RHBDL3: variants seen among roughly 807,000 people sequenced by gnomAD.
RHBDL3 encodes rhomboid like 3, also known as rhomboid-related protein 3.
A neutral mutation model predicts 48.2 loss-of-function variants in RHBDL3; 28 were observed. That is an observed-to-expected ratio of 0.58 (90% CI 0.43 to 0.80). The LOEUF (loss-of-function observed/expected upper bound fraction) is 0.80. Among genes scored for constraint, RHBDL3 ranks in the 30% least tolerant of loss-of-function variants. The pLI is 0.00. For synonymous variants in RHBDL3, 208 were observed against 232.3 expected (o/e 0.90, Z 0.95); for missense variants, 464 against 542.7 (o/e 0.85, Z 1.44).
In RHBDL3 at chr17:32,289,027, G is replaced by A. The variant is rs914126969; in HGVS notation, c.519+11G>A. On this transcript the variant is annotated intron_variant, in intron 4 of 8. Transcript: ENST00000269051. ...GTCACGCTGCTGGAGGCAAGGACAA[G>A]GGTGGGGAGGGGGTTGCTCTGCCTT... is the stretch of plus-strand genomic sequence containing the variant. 3 of 1,612,044 alleles carry A rather than the reference G, an allele frequency of 1.9e-6. No homozygotes were observed. Among genetic ancestry groups the A allele is most frequent in the South Asian group, 1.1e-5 (1 of 91,052 alleles).
rs760276633 is a variant in RHBDL3, at chr17:32,288,776, T to C, written c.295-16T>C. On this transcript the variant is annotated splice_polypyrimidine_tract_variant and intron_variant, in intron 3 of 8. Transcript: ENST00000269051. ...GCCCCAGCTCTGACCCTCTCCCCAC[T>C]CCATTTCCTGCACAGATGAGCAACA... The C allele has an allele frequency of 1.3e-6, 2 of 1,594,196 alleles. No individual in the cohort carries two copies. Among genetic ancestry groups the C allele is most frequent in the South Asian group, 1.1e-5 (1 of 89,646 alleles).
In RHBDL3 at chr17:32,265,839, G is replaced by T. The variant is rs897114706; in HGVS notation, c.-351G>T. Among the ~76,000 whole-genome samples the T allele has an allele frequency of 5.4e-5, 8 of 147,460 alleles. No homozygotes were observed. The highest frequency in any genetic ancestry group is 7.6e-5 in the Non-Finnish European group (5 of 66,170). On this transcript the variant is annotated 5_prime_UTR_variant, in exon 1 of 9. Transcript: ENST00000269051. ...GGAGGAGGAGACTCGGGCGCAGAGC[G>T]GGGGCCGCGAGAAGCGGGAAGGGAG...
At chr17:32,308,755 T>C (rs1187331828) in intron 7 of RHBDL3, among the ~76,000 whole-genome samples, 1 of 152,188 alleles carries the variant, frequency 6.6e-6, no homozygotes, top group African/African-American at 2.4e-5. Context: ...CAGAGATGCG[T>C]TGGGTCGACC....
intron 7 of RHBDL3, among the ~76,000 whole-genome samples, chr17:32,314,077 T>C (rs1309325084): frequency 1.3e-5 from 2 of 151,290 alleles, no homozygotes; most frequent in Admixed American, 6.6e-5. Context: ...TGTATTCCAT[T>C]GTATGTATAT....
In RHBDL3 at chr17:32,316,274, G is replaced by C. The variant is rs958267251; in HGVS notation, c.925G>C (p.Ala309Pro). 7.4e-6 allele frequency: 12 copies of C among 1,613,680 alleles called. No homozygotes were observed. The highest frequency in any genetic ancestry group is 9.3e-6 in the Non-Finnish European group (11 of 1,179,716). The change falls in exon 8 of 9, where the codon GCT becomes CCT. Residue 309 changes from alanine to proline, a missense_variant. Ala to Pro is a conservative substitution (Grantham distance 27, BLOSUM62 -1). Coordinates refer to ENST00000269051, the MANE Select transcript of RHBDL3 (RefSeq NM_138328.3). ...GTGCCAGTTCAAGCTGCTGCGGATG[G>C]CTGTGGCCCTTATCTGTAGTAAGTA... ...MKCQFKLLRMAVALICMSMEF... is the reference protein window; with the variant it reads ...MKCQFKLLRMPVALICMSMEF...
rs1408330378 is a variant in RHBDL3 at position 32,323,242 on chromosome 17, T to C, written c.*2013T>C. 2 of 152,320 alleles carry C rather than the reference T, an allele frequency of 1.3e-5. No individual in the cohort carries two copies. Among genetic ancestry groups the C allele is most frequent in the Non-Finnish European group, 2.9e-5 (2 of 68,162 alleles). 9.4% of individuals were successfully genotyped at this position (152,320 alleles called of 1,614,324 possible). A position where few individuals can be genotyped will look rare whatever the true frequency, so the allele number is the denominator to read the frequency against. On this transcript the variant is annotated 3_prime_UTR_variant, in exon 9 of 9. Coordinates refer to ENST00000269051, the MANE Select transcript of RHBDL3 (RefSeq NM_138328.3). The stretch of plus-strand genomic sequence containing the variant: ...CACTGTGGGCCCACGCCTTTGGCGG[T>C]GTTGCGTCAGCCTGGGGCGTCTTGT...
rs1458496036 is a variant in RHBDL3 at position 32,322,545 on chromosome 17, G to A, written c.*1316G>A. 1 of 152,338 alleles carries A rather than the reference G, an allele frequency of 6.6e-6. No individual in the cohort carries two copies. The highest frequency in any genetic ancestry group is 6.5e-5 in the Admixed American group (1 of 15,280). The allele number at this position is 152,338 out of a possible 1,614,324, so 9.4% of individuals were successfully genotyped here. A position where few individuals can be genotyped will look rare whatever the true frequency, so the allele number is the denominator to read the frequency against. On this transcript the variant is annotated 3_prime_UTR_variant, in exon 9 of 9. Transcript: ENST00000269051. ...TGGGGTAGGAATGTTGAGGCCATGT[G>A]TCCATTTAAGTTAGGGGGACAGGAG... is the stretch of plus-strand genomic sequence containing the variant.
At position 32,323,337 on chromosome 17, in the gene RHBDL3, G is replaced by A. The variant is rs994971947; in HGVS notation, c.*2108G>A. On this transcript the variant is annotated 3_prime_UTR_variant, in exon 9 of 9. Coordinates refer to ENST00000269051, the MANE Select transcript of RHBDL3 (RefSeq NM_138328.3). ...AGATGGAAGTCAGTGCCTCAGAGGA[G>A]GAGGCTCTGAGGCTGTGGAGCTGGG... The A allele has an allele frequency of 5.3e-5, 8 of 152,358 alleles. No individual in the cohort carries two copies. Among genetic ancestry groups the A allele is most frequent in the African/African-American group, 1.9e-4 (8 of 41,448 alleles). The allele number at this position is 152,358 out of a possible 1,614,324, so 9.4% of individuals were successfully genotyped here.
chr17:32,290,832 C>G (rs2040307578), intron 4 of RHBDL3, among the ~76,000 whole-genome samples: 1 of 151,782 alleles, frequency 6.6e-6, no homozygotes, highest in Non-Finnish European at 1.5e-5. Context: ...GTGAGACTGT[C>G]TCTACAAAAT....
In RHBDL3 at chr17:32,305,377, C is replaced by T; in HGVS notation, c.818C>T (p.Pro273Leu). ...LAVSVADMTAPVVGSSGGVYA... is the reference protein window; with the variant it reads ...LAVSVADMTALVVGSSGGVYA... Reference sequence around the variant, plus strand: ...GTGTCTGTGGCTGACATGACCGCTCCAGTCGTGGGCTCTTCTGGAGGGGTG... The same window carrying T: ...GTGTCTGTGGCTGACATGACCGCTCTAGTCGTGGGCTCTTCTGGAGGGGTG... The change falls in exon 7 of 9, where the codon CCA (proline) becomes CTA (leucine). Residue 273 changes from proline to leucine, a missense_variant. Coordinates refer to ENST00000269051, the MANE Select transcript of RHBDL3 (RefSeq NM_138328.3). The T allele has an allele frequency of 6.2e-7, 1 of 1,613,946 alleles. No homozygotes were observed. The highest frequency in any genetic ancestry group is 1.1e-5 in the South Asian group (1 of 91,078).
At chr17:32,283,556 C>T (rs1055410345) in intron 2 of RHBDL3, among the ~76,000 whole-genome samples, 4 of 152,008 alleles carry the variant, frequency 2.6e-5, no homozygotes, top group African/African-American at 7.2e-5. Context: ...ATCTCCTGAC[C>T]TTGTGATCCG....
chr17:32,270,155 AAAGAAG>A (rs910688690), intron 2 of RHBDL3, among the ~76,000 whole-genome samples: 2 of 151,080 alleles, frequency 1.3e-5, no homozygotes, highest in African/African-American at 4.9e-5. Flanking sequence ...AAAAAAAAAA[AAAGAAG>A]CAAGCAACCC....
intron 7 of RHBDL3, among the ~76,000 whole-genome samples, chr17:32,310,258 C>T (rs1463443301): frequency 6.6e-6 from 1 of 152,128 alleles, no homozygotes; most frequent in African/African-American, 2.4e-5. Flanking sequence ...AGATGGTTGC[C>T]TAACAGACAC....
chr17:32,311,516 C>G (rs1448669064), intron 7 of RHBDL3, among the ~76,000 whole-genome samples: 1 of 152,180 alleles, frequency 6.6e-6, no homozygotes, highest in African/African-American at 2.4e-5. Flanking sequence ...GAGCCCTGGA[C>G]CAGGAGCCCA....
rs897762759 is a variant in RHBDL3 at position 32,288,870 on chromosome 17, G to T, written c.373G>T (p.Glu125Ter). The T allele has an allele frequency of 6.2e-7, 1 of 1,614,202 alleles. No individual in the cohort carries two copies. Residue 125 changes from glutamate (E) to a stop codon, truncating the protein, a stop_gained, in exon 4 of 9, where the codon GAG becomes TAG. Transcript: ENST00000269051. LOFTEE classifies it high-confidence loss of function. ...CAGGCTAAGCAGCAAGGCCCTGCTG[G>T]AGGAGAAGGGGCTGAGCCTCTCGCA... ...NRRLSSKALL[E>*]EKGLSLSQRL...
At chr17:32,281,464 T>C (rs921220838) in intron 2 of RHBDL3, among the ~76,000 whole-genome samples, 32 of 151,986 alleles carry the variant, frequency 2.1e-4, no homozygotes, top group African/African-American at 7.5e-4. Context: ...GCACAAGCTG[T>C]GCCGCAGACC....
At chr17:32,285,823 T>C (rs1165241170) in intron 3 of RHBDL3, among the ~76,000 whole-genome samples, 2 of 152,050 alleles carry the variant, frequency 1.3e-5, no homozygotes, top group African/African-American at 4.8e-5. Context: ...GCACCAGTGA[T>C]GGGGGAGCCG....
At chr17:32,308,307 G>T (rs1027814912) in intron 7 of RHBDL3, among the ~76,000 whole-genome samples, 1 of 152,164 alleles carries the variant, frequency 6.6e-6, no homozygotes, top group Admixed American at 6.5e-5. Context: ...TGTGGGTTGG[G>T]CGCGCTGGCT....
chr17:32,320,726 G>A (rs2041107392), intron 8 of RHBDL3, among the ~76,000 whole-genome samples: 1 of 152,202 alleles, frequency 6.6e-6, no homozygotes, highest in Non-Finnish European at 1.5e-5. Context: ...CCCCATAGAT[G>A]TCTCTCTTCC....
Sources: gnomAD v4.1 joint callset for allele counts (sites outside exome capture counted in the v4.1 genomes callset) on GRCh38, gnomAD v4.1.1 for gene constraint, MANE v1.5 for transcripts, NCBI Gene and HGNC (gene_info 2026-07-23, HGNC 2026-07-21) for gene names.